EDN1: variants seen among roughly 807,000 people sequenced by gnomAD.
The protein encoded by EDN1 is endothelin-1.
EDN1 carries 11 observed loss-of-function variants against 21.7 expected under a neutral mutation model. That is an observed-to-expected ratio of 0.51 (90% CI 0.32 to 0.84). The LOEUF (loss-of-function observed/expected upper bound fraction) is 0.84, where lower values mean the gene tolerates loss of function less well. Ranked by LOEUF, EDN1 falls within the 40% of genes least tolerant of loss-of-function variation. The probability of loss-of-function intolerance (pLI) is 0.03; values close to 1 mark genes in which losing one functional copy is unlikely to be tolerated. For missense variants in EDN1, 244 were observed against 262.3 expected, an observed-to-expected ratio of 0.93 and a Z score of 0.48; for synonymous variants, 85 against 90.6, an observed-to-expected ratio of 0.94 and a Z score of 0.35.
upstream of EDN1, among the ~76,000 whole-genome samples, chr6:12,285,798 G>A (rs1011669053): frequency 2.6e-5 from 4 of 152,142 alleles, no homozygotes; most frequent in Non-Finnish European, 4.4e-5. Flanking sequence ...TCGAACTCCT[G>A]ACCTCAGGTG....
chr6:12,266,249 G>A, the EDN1 span, among the ~76,000 whole-genome samples: 4 of 152,136 alleles, frequency 2.6e-5, no homozygotes, highest in African/African-American at 9.7e-5. Flanking sequence ...AGCTAATAAT[G>A]ATTGAGTCAT....
chr6:12,256,572 A>G, the EDN1 span, among the ~76,000 whole-genome samples: 1 of 152,202 alleles, frequency 6.6e-6, no homozygotes, highest in Non-Finnish European at 1.5e-5. Flanking sequence ...TGACCCAGGT[A>G]AGCATGTGTC....
At chr6:12,243,862 C>G in the EDN1 span, among the ~76,000 whole-genome samples, 1 of 152,082 alleles carries the variant, frequency 6.6e-6, no homozygotes. Flanking sequence ...TTTAGAAAAG[C>G]TTATGTTGGA....
Position 12,290,702 on chromosome 6 carries a change from G to T in EDN1, c.64+9G>T, listed in dbSNP as rs775322267. ...AGGAGCTCCAGAAACAGGTAGGCAC[G>T]CTCGTTGACTTGTAAGTCTCGGAAT... On this transcript the variant is annotated intron_variant, in intron 1 of 4. Coordinates refer to ENST00000379375, the MANE Select transcript of EDN1 (RefSeq NM_001955.5). The T allele has an allele frequency of 3.1e-6, 5 of 1,611,564 alleles. No homozygotes were observed. The highest frequency in any genetic ancestry group is 4.2e-6 in the Non-Finnish European group (5 of 1,177,704).
chr6:12,270,874 G>A, the EDN1 span, among the ~76,000 whole-genome samples: 1 of 152,200 alleles, frequency 6.6e-6, no homozygotes, highest in Non-Finnish European at 1.5e-5. Flanking sequence ...GCAGGGTGTT[G>A]AAGTCCTCTA....
the EDN1 span, among the ~76,000 whole-genome samples, chr6:12,261,153 T>C: frequency 1.3e-4 from 20 of 152,168 alleles, no homozygotes; most frequent in Non-Finnish European, 2.6e-4. Flanking sequence ...CGTTAGTAGA[T>C]TGTGGAGTAC....
At chr6:12,266,784 G>A in the EDN1 span, among the ~76,000 whole-genome samples, 7 of 152,278 alleles carry the variant, frequency 4.6e-5, no homozygotes, top group East Asian at 1.9e-4. Context: ...TGACTCATTC[G>A]TCAAACCACA....
At chr6:12,264,894 T>A in the EDN1 span, among the ~76,000 whole-genome samples, 2 of 152,230 alleles carry the variant, frequency 1.3e-5, no homozygotes, top group Admixed American at 1.3e-4. Context: ...ATGGATCTTT[T>A]TTACTAGAAT....
At chr6:12,278,688 T>C in the EDN1 span, among the ~76,000 whole-genome samples, 4 of 152,212 alleles carry the variant, frequency 2.6e-5, no homozygotes, top group African/African-American at 9.6e-5. Context: ...GGTCAGGAGT[T>C]CGAGACCTGA....
the EDN1 span, among the ~76,000 whole-genome samples, chr6:12,274,939 C>CTCCTTCCT: frequency 2.1e-3 from 285 of 135,448 alleles, no homozygotes; most frequent in African/African-American, 6.4e-3. Flanking sequence ...TTTCTTCCTT[C>CTCCTTCCT]TCCTTCCTTC....
upstream of EDN1, among the ~76,000 whole-genome samples, chr6:12,287,616 G>A (rs1284180907): frequency 1.3e-5 from 2 of 150,606 alleles, no homozygotes; most frequent in Non-Finnish European, 3.0e-5. Flanking sequence ...GCCACCCCTC[G>A]CCCCTGACAC....
intron 1 of EDN1, among the ~76,000 whole-genome samples, chr6:12,291,292 T>C (rs1325485850): frequency 6.9e-6 from 1 of 145,380 alleles, no homozygotes; most frequent in African/African-American, 2.5e-5. Context: ...TTTGTCATCA[T>C]TGACTTTAGG....
At chr6:12,291,453 G>C (rs1371697299) in intron 1 of EDN1, among the ~76,000 whole-genome samples, 5 of 152,150 alleles carry the variant, frequency 3.3e-5, no homozygotes, top group African/African-American at 1.2e-4. Context: ...CCGTTTTTAG[G>C]GTCAGTGCAC....
At chr6:12,294,222 T>C in intron 3 of EDN1, 39 bp from the exon 4 acceptor site, 1 of 1,613,956 alleles carries the variant, frequency 6.2e-7, no homozygotes, top group Non-Finnish European at 8.5e-7. Flanking sequence ...AAGCTGAATA[T>C]AACATTGCTG....
At chr6:12,237,117 T>C in the EDN1 span, among the ~76,000 whole-genome samples, 1 of 152,118 alleles carries the variant, frequency 6.6e-6, no homozygotes, top group Non-Finnish European at 1.5e-5. Flanking sequence ...CTCAGAATGA[T>C]GGTTTCCAGC....
At chr6:12,274,939 C>CTTCCTTCCT in the EDN1 span, among the ~76,000 whole-genome samples, 1 of 135,342 alleles carries the variant, frequency 7.4e-6, no homozygotes, top group African/African-American at 2.8e-5. Context: ...TTTCTTCCTT[C>CTTCCTTCCT]TCCTTCCTTC....
chr6:12,295,824 A>G (rs982855141), intron 4 of EDN1, 138 bp from the exon 5 acceptor site: 22 of 781,962 alleles, frequency 2.8e-5, no homozygotes, highest in Admixed American at 2.4e-4. Context: ...AGGTTTTATC[A>G]AAGAGTTGCG....
At chr6:12,241,405 A>G in the EDN1 span, among the ~76,000 whole-genome samples, 2 of 151,582 alleles carry the variant, frequency 1.3e-5, no homozygotes, top group Admixed American at 1.3e-4. Context: ...TCCTGACCTC[A>G]GGTGATCTGC....
the EDN1 span, among the ~76,000 whole-genome samples, chr6:12,247,657 A>G: frequency 4.0e-5 from 6 of 150,346 alleles, no homozygotes; most frequent in African/African-American, 1.5e-4. Flanking sequence ...TCATGCCTCA[A>G]TCTCCTAAGT....
Sources: gnomAD v4.1 joint callset for allele counts (sites outside exome capture counted in the v4.1 genomes callset) on GRCh38, gnomAD v4.1.1 for gene constraint, MANE v1.5 for transcripts, NCBI Gene and HGNC (gene_info 2026-07-23, HGNC 2026-07-21) for gene names.